Variants in CDH12 observed in about 807,000 individuals in gnomAD.
The protein encoded by CDH12 is cadherin-12.
A neutral mutation model predicts 74.1 loss-of-function variants in CDH12; 41 were observed. The ratio of observed to expected loss-of-function variants is 0.55; its 90% CI spans 0.43 to 0.72. The LOEUF (loss-of-function observed/expected upper bound fraction) is 0.72, where lower values mean the gene tolerates loss of function less well. CDH12 is among the 30% of genes least tolerant of loss of function. The pLI is 0.00. For missense variants in CDH12, 945 were observed against 977.2 expected, an observed-to-expected ratio of 0.97 and a Z score of 0.44; for synonymous variants, 399 against 355.0, an observed-to-expected ratio of 1.12 and a Z score of -1.39.
chr5:22,665,526 T>G (rs1740570018), intron 1 of CDH12, among the ~76,000 whole-genome samples: 1 of 152,168 alleles, frequency 6.6e-6, no homozygotes, highest in Non-Finnish European at 1.5e-5. Context: ...TACATGGTTT[T>G]CCACTTATTA....
intron 1 of CDH12, among the ~76,000 whole-genome samples, chr5:22,696,925 A>G (rs1742398979): frequency 1.3e-5 from 2 of 152,116 alleles, no homozygotes; most frequent in Non-Finnish European, 2.9e-5. Flanking sequence ...GGTCTCTAGC[A>G]CTGAAACCAA....
At chr5:22,224,245 C>G (rs1293967121) in intron 3 of CDH12, among the ~76,000 whole-genome samples, 1 of 151,952 alleles carries the variant, frequency 6.6e-6, no homozygotes, top group East Asian at 1.9e-4. Flanking sequence ...ATGTACTTTT[C>G]AAAGAGATTT....
At chr5:21,829,677 G>A (rs1270296026) in intron 8 of CDH12, among the ~76,000 whole-genome samples, 2 of 152,124 alleles carry the variant, frequency 1.3e-5, no homozygotes, top group Middle Eastern at 3.2e-3. Context: ...GAAATAAATG[G>A]TGACTTTAGG....
At chr5:22,000,422 A>G (rs1326062332) in intron 5 of CDH12, among the ~76,000 whole-genome samples, 1 of 151,498 alleles carries the variant, frequency 6.6e-6, no homozygotes, top group Non-Finnish European at 1.5e-5. Context: ...GCAAGACCAA[A>G]CAGATAAAGC....
At chr5:22,456,983 C>G (rs1164489333) in intron 2 of CDH12, among the ~76,000 whole-genome samples, 1 of 150,998 alleles carries the variant, frequency 6.6e-6, no homozygotes, top group Non-Finnish European at 1.5e-5. Flanking sequence ...TGATTTTTTT[C>G]TTAAAAAAAA....
At chr5:22,793,567 T>G (rs1748031686) in intron 1 of CDH12, among the ~76,000 whole-genome samples, 1 of 152,186 alleles carries the variant, frequency 6.6e-6, no homozygotes, top group South Asian at 2.1e-4. Flanking sequence ...ATTATATGTC[T>G]TAGTCACCAG....
intron 1 of CDH12, among the ~76,000 whole-genome samples, chr5:22,734,026 C>G (rs138625043): frequency 6.6e-6 from 1 of 151,860 alleles, no homozygotes; most frequent in East Asian, 1.9e-4. Flanking sequence ...CTCTGCAGAC[C>G]TGGGTGTGGT....
chr5:22,652,073 C>T (rs1427584563), intron 1 of CDH12, among the ~76,000 whole-genome samples: 5 of 152,084 alleles, frequency 3.3e-5, no homozygotes, highest in African/African-American at 1.2e-4. Flanking sequence ...AGAATTCATA[C>T]ATATAGTAAC....
Position 22,235,208 on chromosome 5 carries a change from G to A in CDH12, c.-332-22565C>T, listed in dbSNP as rs183015837. Among the ~76,000 whole-genome samples, 369 of 152,122 alleles carry A rather than the reference G, an allele frequency of 2.4e-3. 3 individuals are homozygous for A. The highest frequency in any genetic ancestry group is 8.7e-3 in the African/African-American group (363 of 41,490). On this transcript the variant is annotated intron_variant, in intron 3 of 14. Coordinates refer to ENST00000382254, the MANE Select transcript of CDH12 (RefSeq NM_004061.5). ...TAAATGTAAGCATGTATACTAGGTC[G>A]AAATATATCAGTACAATGTGGAATA...
intron 1 of CDH12, among the ~76,000 whole-genome samples, chr5:22,518,170 T>C (rs1296744335): frequency 6.6e-6 from 1 of 152,208 alleles, no homozygotes; most frequent in Non-Finnish European, 1.5e-5. Flanking sequence ...CAAATACAAG[T>C]AGACAAGAGG....
At chr5:21,797,988 A>G (rs1238725430) in intron 10 of CDH12, among the ~76,000 whole-genome samples, 1 of 152,018 alleles carries the variant, frequency 6.6e-6, no homozygotes, top group Non-Finnish European at 1.5e-5. Flanking sequence ...TTATTTATTG[A>G]CCTGCAGAGA....
At chr5:22,308,860 AGAGAGAGAG>A in intron 3 of CDH12, among the ~76,000 whole-genome samples, 1 of 148,168 alleles carries the variant, frequency 6.7e-6, no homozygotes, top group South Asian at 2.2e-4. Context: ...ACACAGAGAG[AGAGAGAGAG>A]GAGAGAGAGA....
chr5:22,078,416 A>G (rs1261735064), intron 5 of CDH12, 30 bp downstream of exon 5: 1 of 1,597,170 alleles, frequency 6.3e-7, no homozygotes, highest in Admixed American at 1.7e-5. Flanking sequence ...CCTTCCTATC[A>G]AGCGGTTGTC....
At chr5:22,225,948 T>A (rs930945187) in intron 3 of CDH12, among the ~76,000 whole-genome samples, 4 of 151,854 alleles carry the variant, frequency 2.6e-5, no homozygotes, top group Non-Finnish European at 4.4e-5. Flanking sequence ...AAACTAAACA[T>A]CTGGGGATCA....
chr5:22,840,817 G>C (rs961536561), intron 1 of CDH12, among the ~76,000 whole-genome samples: 1 of 152,154 alleles, frequency 6.6e-6, no homozygotes, highest in African/African-American at 2.4e-5. Context: ...TCATAGAGAA[G>C]GGGGATTCAA....
At chr5:22,784,290 C>A (rs916633384) in intron 1 of CDH12, among the ~76,000 whole-genome samples, 2 of 152,084 alleles carry the variant, frequency 1.3e-5, no homozygotes, top group Non-Finnish European at 2.9e-5. Context: ...GTATAGACTT[C>A]TTTCTAAAGT....
chr5:22,227,643 T>TGTAGAGA (rs1752240620), intron 3 of CDH12, among the ~76,000 whole-genome samples: 1 of 152,150 alleles, frequency 6.6e-6, no homozygotes, highest in Non-Finnish European at 1.5e-5. Context: ...TACAATTATT[T>TGTAGAGA]ATAATATATT....
intron 4 of CDH12, among the ~76,000 whole-genome samples, chr5:22,095,968 C>A (rs1743755495): frequency 6.6e-6 from 1 of 151,806 alleles, no homozygotes; most frequent in East Asian, 2.0e-4. Context: ...CCTCTTATAT[C>A]TGCGCTCCAA....
At chr5:22,370,730 C>T (rs1021229667) in intron 3 of CDH12, among the ~76,000 whole-genome samples, 1 of 152,030 alleles carries the variant, frequency 6.6e-6, no homozygotes, top group African/African-American at 2.4e-5. Context: ...CCTTGGTATG[C>T]TTGAGAAAAC....
Sources: allele counts gnomAD v4.1 joint callset (sites outside exome capture counted in the v4.1 genomes callset), GRCh38; gene constraint gnomAD v4.1.1; transcripts MANE v1.5; gene names NCBI Gene and HGNC (gene_info 2026-07-23, HGNC 2026-07-21).